Variants in FSTL4 observed in about 807,000 individuals in gnomAD.
FSTL4 encodes follistatin-related protein 4.
A neutral mutation model predicts 78.2 loss-of-function variants in FSTL4; 28 were observed. The ratio of observed to expected loss-of-function variants is 0.36; its 90% CI spans 0.27 to 0.49. The LOEUF is 0.49. FSTL4 is among the 20% of genes least tolerant of loss of function. The pLI, the probability that FSTL4 is intolerant of heterozygous loss-of-function variation, is 0.98. For missense variants in FSTL4, 922 were observed against 1,084.9 expected (o/e 0.85, Z 2.11); for synonymous variants, 422 against 440.5 (o/e 0.96, Z 0.53).
intron 4 of FSTL4, among the ~76,000 whole-genome samples, chr5:133,358,565 G>T (rs1754992541): frequency 6.6e-6 from 1 of 151,994 alleles, no homozygotes; most frequent in African/African-American, 2.4e-5. Flanking sequence ...TGCACGATGG[G>T]GCCCATCCCA....
intron 3 of FSTL4, among the ~76,000 whole-genome samples, chr5:133,521,539 T>C (rs1019464906): frequency 8.5e-5 from 13 of 152,162 alleles, no homozygotes; most frequent in South Asian, 6.2e-4. Context: ...TGGCATCTAG[T>C]TGGCTCTCAG....
At chr5:133,561,892 A>G (rs1249051818) in intron 3 of FSTL4, among the ~76,000 whole-genome samples, 1 of 152,176 alleles carries the variant, frequency 6.6e-6, no homozygotes, top group Non-Finnish European at 1.5e-5. Context: ...CTTCCCATTC[A>G]ACTTCAGGCA....
the FSTL4 span, among the ~76,000 whole-genome samples, chr5:133,811,298 T>C: frequency 9.9e-5 from 15 of 152,202 alleles, 1 homozygote; most frequent in Admixed American, 9.8e-4. Context: ...ACCTCAAGGT[T>C]TGGTTTCATA....
At chr5:133,210,469 C>CATTATTATTATTATT (rs72224529) in intron 13 of FSTL4, among the ~76,000 whole-genome samples, 171 bp from the exon 14 acceptor site, 2 of 145,434 alleles carry the variant, frequency 1.4e-5, no homozygotes, top group African/African-American at 5.3e-5. Flanking sequence ...TTCTCAGAGG[C>CATTATTATTATTATT]ATTATTATTA....
intron 3 of FSTL4, among the ~76,000 whole-genome samples, chr5:133,491,088 T>C (rs1376871030): frequency 6.6e-6 from 1 of 152,228 alleles, no homozygotes; most frequent in African/African-American, 2.4e-5. Context: ...CCTGCACATG[T>C]ACCTCTGAAC....
intron 3 of FSTL4, among the ~76,000 whole-genome samples, chr5:133,561,302 T>G (rs918913830): frequency 6.6e-6 from 1 of 151,864 alleles, no homozygotes; most frequent in Non-Finnish European, 1.5e-5. Flanking sequence ...CTGCCAACAT[T>G]GCCTGTCCTG....
chr5:133,301,119 TC>T (rs1181768705), intron 6 of FSTL4, among the ~76,000 whole-genome samples: 2 of 152,136 alleles, frequency 1.3e-5, no homozygotes, highest in East Asian at 3.9e-4. Flanking sequence ...GGTGAACAGC[TC>T]CCAGAGAGGG....
intron 3 of FSTL4, among the ~76,000 whole-genome samples, chr5:133,415,719 T>C (rs933848976): frequency 1.3e-5 from 2 of 152,084 alleles, no homozygotes; most frequent in African/African-American, 4.8e-5. Flanking sequence ...TGCAGGAAGG[T>C]GGCTGAGTGG....
At chr5:133,673,962 C>T in the FSTL4 span, among the ~76,000 whole-genome samples, 6 of 152,250 alleles carry the variant, frequency 3.9e-5, no homozygotes, top group African/African-American at 1.2e-4. Flanking sequence ...ATTGTTTTTG[C>T]CTTAATAATG....
chr5:133,526,692 G>A (rs1248600442), intron 3 of FSTL4, among the ~76,000 whole-genome samples: 1 of 152,140 alleles, frequency 6.6e-6, no homozygotes, highest in African/African-American at 2.4e-5. Context: ...CAGGGTCAGG[G>A]AGGCTCATGG....
In FSTL4 at chr5:133,225,683, C is replaced by T; in HGVS notation, c.1152G>A (p.Gln384=). The T allele has an allele frequency of 6.2e-7, 1 of 1,607,260 alleles. No homozygotes were observed. Among genetic ancestry groups the T allele is most frequent in the Non-Finnish European group, 8.5e-7 (1 of 1,176,724 alleles). ...WLKNGVDVST[Q]MSKQLSLLAN... is the part of the protein sequence containing the mutation. ...CTAAAAGGGAGAGCTGTTTGGACAT[C>T]TGAGTTGAGACATCCACGCCGTTTT... Residue 384 remains glutamine (Q), a synonymous_variant, in exon 9 of 16, where the codon CAG becomes CAA. Transcript: ENST00000265342. The surrounding 1 kb of genome is among the most constrained non-coding windows in gnomAD (Gnocchi z 4.6).
chr5:133,482,403 C>T (rs1758046113), intron 3 of FSTL4, among the ~76,000 whole-genome samples: 1 of 152,206 alleles, frequency 6.6e-6, no homozygotes, highest in East Asian at 1.9e-4. Context: ...TCCCATGAAA[C>T]ATAACTGGCA....
the FSTL4 span, among the ~76,000 whole-genome samples, chr5:133,769,722 T>C: frequency 6.6e-6 from 1 of 152,196 alleles, no homozygotes; most frequent in Non-Finnish European, 1.5e-5. Context: ...TCTTTATGTA[T>C]TTAGGAGGTA....
chr5:133,281,725 G>A (rs1275646507), intron 6 of FSTL4, among the ~76,000 whole-genome samples: 2 of 152,176 alleles, frequency 1.3e-5, no homozygotes, highest in African/African-American at 4.8e-5. Flanking sequence ...AAGGCCCCCT[G>A]TTCTGGACTA....
chr5:133,329,266 G>A (rs967220308), intron 4 of FSTL4, among the ~76,000 whole-genome samples: 3 of 152,110 alleles, frequency 2.0e-5, no homozygotes, highest in African/African-American at 4.8e-5. Context: ...GAGGGCCTTG[G>A]TAGCACTTAA....
At chr5:133,604,624 G>C (rs923901889) in intron 1 of FSTL4, among the ~76,000 whole-genome samples, 1 of 152,200 alleles carries the variant, frequency 6.6e-6, no homozygotes, top group Middle Eastern at 3.4e-3. Flanking sequence ...CAGGAGAATC[G>C]CTTGAACTCG....
chr5:133,552,840 G>T (rs1463541360), intron 3 of FSTL4, among the ~76,000 whole-genome samples: 1 of 152,186 alleles, frequency 6.6e-6, no homozygotes, highest in Non-Finnish European at 1.5e-5. Flanking sequence ...CGTGACTTTG[G>T]GGGTATTCAT....
the FSTL4 span, among the ~76,000 whole-genome samples, chr5:133,712,539 C>T: frequency 3.0e-4 from 45 of 152,282 alleles, 2 homozygotes; most frequent in South Asian, 8.7e-3. Flanking sequence ...TCTCAACATC[C>T]GTAAAGTGGG....
chr5:133,290,554 C>A (rs1753238211), intron 6 of FSTL4, among the ~76,000 whole-genome samples: 1 of 152,240 alleles, frequency 6.6e-6, no homozygotes, highest in East Asian at 1.9e-4. Flanking sequence ...GTACTTTCCA[C>A]TGGGTCTGTG....
Sources: gnomAD v4.1 joint callset for allele counts (sites outside exome capture counted in the v4.1 genomes callset) on GRCh38, gnomAD v4.1.1 for gene constraint, Gnocchi (gnomAD v3.1) non-coding constraint, MANE v1.5 for transcripts, NCBI Gene and HGNC (gene_info 2026-07-23, HGNC 2026-07-21) for gene names.